The following ATAD3B variants were observed in gnomAD, a reference collection of about 807,000 sequenced individuals.
The protein encoded by ATAD3B is ATPase family AAA domain-containing protein 3B.
In ATAD3B, 59 loss-of-function variants were observed where a neutral mutation model predicts 70.2. That is an observed-to-expected ratio of 0.84 (90% CI 0.68 to 1.04). The LOEUF (loss-of-function observed/expected upper bound fraction) is 1.04, where lower values mean the gene tolerates loss of function less well. Ranked by LOEUF, ATAD3B falls within the 50% of genes least tolerant of loss-of-function variation. The pLI is 0.00. For synonymous variants in ATAD3B, 423 were observed against 388.6 expected (o/e 1.09, Z -1.04); for missense variants, 961 against 913.4 (o/e 1.05, Z -0.67).
In ATAD3B at chr1:1,478,543, C is replaced by A. The variant is rs1175479569; in HGVS notation, c.283-101C>A. On this transcript the variant is annotated intron_variant, in intron 2 of 15. Transcript: ENST00000673477. Reference sequence around the variant, plus strand: ...AACCTGCTGCACACACTAGTCTGGGCACGGAGTCTCTGCCGTGCCGGAGCT... The same window carrying A: ...AACCTGCTGCACACACTAGTCTGGGAACGGAGTCTCTGCCGTGCCGGAGCT... The A allele has an allele frequency of 3.2e-6, 5 of 1,550,174 alleles. No homozygotes were observed. In the East Asian group the frequency reaches 1.2e-4, roughly 38 times the overall value.
Position 1,486,569 on chromosome 1 carries a change from A to T in ATAD3B, c.1115A>T (p.Asp372Val). The change falls in exon 11 of 16, where the codon GAC becomes GTC. Residue 372 changes from aspartate to valine, a missense_variant. By Grantham distance (152) the Asp-to-Val change is radical. Coordinates refer to ENST00000673477, the MANE Select transcript of ATAD3B (RefSeq NM_031921.6). ...AAACTCGCCCTGCACTCAGGCATGG[A>T]CTACGCCATCATGACAGGCGGGGAC... ...AKKLALHSGM[D>V]YAIMTGGDVA... The T allele has an allele frequency of 1.2e-6, 2 of 1,611,900 alleles. No homozygotes were observed. Among genetic ancestry groups the T allele is most frequent in the Non-Finnish European group, 1.7e-6 (2 of 1,179,450 alleles).
intron 2 of ATAD3B, among the ~76,000 whole-genome samples, chr1:1,477,759 G>A (rs1220649338): frequency 6.6e-6 from 1 of 151,460 alleles, no homozygotes; most frequent in African/African-American, 2.4e-5. Flanking sequence ...AGGCTGGAGT[G>A]CAATGGCGCA....
chr1:1,498,703 C>G (rs1323297952), downstream of ATAD3B, among the ~76,000 whole-genome samples: 1 of 151,278 alleles, frequency 6.6e-6, no homozygotes, highest in African/African-American at 2.4e-5. Context: ...GCACCGCGCC[C>G]GGCCTGTTTG....
At chr1:1,480,047 G>C (rs982532104) in intron 4 of ATAD3B, among the ~76,000 whole-genome samples, 1 of 141,986 alleles carries the variant, frequency 7.0e-6, no homozygotes, top group African/African-American at 2.7e-5. Flanking sequence ...ACACCCCCTT[G>C]CACAGACGGG....
At chr1:1,472,810 A>G (rs1639398179) in intron 1 of ATAD3B, among the ~76,000 whole-genome samples, 1 of 151,656 alleles carries the variant, frequency 6.6e-6, no homozygotes, top group African/African-American at 2.4e-5. Flanking sequence ...GTGGTTCTCA[A>G]CTCTTGTTTA....
rs192530943 is a variant in ATAD3B at position 1,488,622 on chromosome 1, C to T, written c.1267-582C>T. Among the ~76,000 whole-genome samples the T allele has an allele frequency of 6.6e-5, 10 of 152,026 alleles. No homozygotes were observed. The East Asian group carries it at 1.7e-3, about 27-fold the overall frequency. On this transcript the variant is annotated intron_variant, in intron 12 of 15. Transcript: ENST00000673477. ...AAAAATACAAAAATTAGCCGGGCGT[C>T]GTGGGGCACGCATGTAATCCCAGCT...
At chr1:1,495,221 G>A (rs3851851) in intron 15 of ATAD3B, among the ~76,000 whole-genome samples, 25,503 of 151,902 alleles carry the variant, frequency 0.17, 4,788 homozygotes, top group East Asian at 0.46. Flanking sequence ...GCCGTCAGTG[G>A]TGCTCCGCCT....
At chr1:1,482,858 C>A in intron 7 of ATAD3B, 2 of 616,964 alleles carry the variant, frequency 3.2e-6, no homozygotes, top group Non-Finnish European at 2.9e-6. Flanking sequence ...AAAACATTAG[C>A]TGGGTGTGAT....
chr1:1,498,620 C>T (rs560757659), downstream of ATAD3B, among the ~76,000 whole-genome samples: 6 of 151,906 alleles, frequency 3.9e-5, no homozygotes, highest in Admixed American at 3.9e-4. Context: ...GTTGCCTAGG[C>T]TGGTCTCCAA....
chr1:1,502,493 C>G (rs1640966076), downstream of ATAD3B, among the ~76,000 whole-genome samples: 1 of 148,930 alleles, frequency 6.7e-6, no homozygotes, highest in South Asian at 2.1e-4. Flanking sequence ...CAGGCATGAG[C>G]CACCGTGCCC....
At chr1:1,491,741 CG>C (rs1278961815) in intron 15 of ATAD3B, among the ~76,000 whole-genome samples, 1 of 151,814 alleles carries the variant, frequency 6.6e-6, no homozygotes, top group Non-Finnish European at 1.5e-5. Flanking sequence ...ACGTAGGAGC[CG>C]GGGTATGTAG....
rs1197523244 is a variant in ATAD3B, at chr1:1,482,610, C to G, written c.746C>G (p.Ala249Gly). ...GTGACAGACCGGGACAAAGTGACAG[C>G]CACGGTAAACATATTCATAAAACAG... ...AFVTDRDKVT[A>G]TVAGLTLLAV... The change falls in exon 7 of 16, where the codon GCC becomes GGC. Residue 249 changes from alanine to glycine, a missense_variant. Ala to Gly is a moderately conservative substitution (Grantham distance 60). Coordinates refer to ENST00000673477, the MANE Select transcript of ATAD3B (RefSeq NM_031921.6). 3.7e-6 allele frequency: 6 copies of G among 1,613,356 alleles called. No homozygotes were observed. Among genetic ancestry groups the G allele is most frequent in the Non-Finnish European group, 5.1e-6 (6 of 1,179,570 alleles).
downstream of ATAD3B, among the ~76,000 whole-genome samples, chr1:1,500,797 CAA>C (rs564482376): frequency 2.1e-3 from 301 of 144,418 alleles, 1 homozygote; most frequent in African/African-American, 7.2e-3. Flanking sequence ...ACTAAAAATA[CAA>C]AAAAAAAATT....
In ATAD3B at chr1:1,482,489, G is replaced by A. The variant is rs377267005; in HGVS notation, c.681-56G>A. The A allele has an allele frequency of 1.4e-4, 218 of 1,612,886 alleles. 5 individuals are homozygous for A. The highest frequency in any genetic ancestry group is 1.3e-3 in the Middle Eastern group (8 of 6,004). ...AGGGCCTCACCCTCAACCTGCTCTC[G>A]CTGCGTGGTACGGATCTTCGTGTCC... On this transcript the variant is annotated intron_variant, in intron 6 of 15. Coordinates refer to ENST00000673477, the MANE Select transcript of ATAD3B (RefSeq NM_031921.6).
At chr1:1,473,727 C>T (rs1483419399) in intron 1 of ATAD3B, among the ~76,000 whole-genome samples, 2 of 151,950 alleles carry the variant, frequency 1.3e-5, no homozygotes, top group Non-Finnish European at 2.9e-5. Flanking sequence ...ACCACCTGAC[C>T]CCGTGATCCA....
chr1:1,489,669 C>T (rs1640424684), intron 13 of ATAD3B: 2 of 1,324,062 alleles, frequency 1.5e-6, no homozygotes, highest in Middle Eastern at 2.9e-4. Context: ...TTTGAGTTTT[C>T]TTGGTCTCCT....
the ATAD3B span, among the ~76,000 whole-genome samples, chr1:1,508,779 G>A: frequency 6.6e-6 from 1 of 151,344 alleles, no homozygotes; most frequent in African/African-American, 2.5e-5. Flanking sequence ...GTGCCTCAAG[G>A]TGGGCAGTGG....
At chr1:1,488,374 C>T (rs148723748) in intron 12 of ATAD3B, among the ~76,000 whole-genome samples, 3,168 of 152,064 alleles carry the variant, frequency 0.021, 148 homozygotes, top group African/African-American at 0.072. Flanking sequence ...TGCAGAGGCA[C>T]ACTAACACGC....
In ATAD3B at chr1:1,486,107, C is replaced by T. The variant is rs1400565206; in HGVS notation, c.964-3C>T. On this transcript the variant is annotated splice_region_variant and splice_polypyrimidine_tract_variant and intron_variant, in intron 9 of 15. Coordinates refer to ENST00000673477, the MANE Select transcript of ATAD3B (RefSeq NM_031921.6). ...TCCCCCAAACCCCCGTCTTCCCCGG[C>T]AGCCCAGCCTGGAAGCACGGGTGCG... The T allele has an allele frequency of 1.2e-6, 2 of 1,612,964 alleles. No homozygotes were observed. Among genetic ancestry groups the T allele is most frequent in the African/African-American group, 1.3e-5 (1 of 74,890 alleles).
Sources: gnomAD v4.1 joint callset for allele counts (sites outside exome capture counted in the v4.1 genomes callset) on GRCh38, gnomAD v4.1.1 for gene constraint, MANE v1.5 for transcripts, NCBI Gene and HGNC (gene_info 2026-07-23, HGNC 2026-07-21) for gene names.